Variants in PCDHA4 observed in about 807,000 individuals in gnomAD.
PCDHA4 encodes protocadherin alpha 4.
PCDHA4 carries 49 observed loss-of-function variants against 61.4 expected under a neutral mutation model. The ratio of observed to expected loss-of-function variants is 0.80; its 90% CI spans 0.63 to 1.01. The LOEUF is 1.01. Ranked by LOEUF, PCDHA4 falls within the 50% of genes least tolerant of loss-of-function variation. The pLI is 0.00. For synonymous variants in PCDHA4, 590 were observed against 550.3 expected (o/e 1.07, Z -1.01); for missense variants, 1,254 against 1,235.8 (o/e 1.01, Z -0.22).
At chr5:140,850,241 GCGGT>G in intron 1 of PCDHA4, 1 of 1,593,924 alleles carries the variant, frequency 6.3e-7, no homozygotes, top group Non-Finnish European at 8.6e-7. Context: ...AGATGGTGCT[GCGGT>G]CGGTGGGCGC....
intron 1 of PCDHA4, chr5:140,967,329 G>A: frequency 6.2e-7 from 1 of 1,608,212 alleles, no homozygotes; most frequent in Non-Finnish European, 8.5e-7. Flanking sequence ...TACGAGCTCA[G>A]CCCCAGCGAG....
chr5:140,992,841 A>G (rs1351149915), intron 3 of PCDHA4, among the ~76,000 whole-genome samples: 2 of 152,188 alleles, frequency 1.3e-5, no homozygotes, highest in African/African-American at 2.4e-5. Flanking sequence ...AACATTTTGT[A>G]TAACAACCAG....
intron 1 of PCDHA4, chr5:140,927,673 G>C: frequency 6.2e-7 from 1 of 1,614,224 alleles, no homozygotes; most frequent in Non-Finnish European, 8.5e-7. Flanking sequence ...CTTGGATCCA[G>C]ATGAAGGGTC....
intron 1 of PCDHA4, among the ~76,000 whole-genome samples, chr5:140,910,502 G>C (rs182167004): frequency 2.6e-4 from 39 of 152,266 alleles, no homozygotes. Flanking sequence ...CAATCACAAA[G>C]CTCTTCAAGG....
At chr5:140,835,793 G>T in intron 1 of PCDHA4, 1 of 1,613,102 alleles carries the variant, frequency 6.2e-7, no homozygotes, top group Non-Finnish European at 8.5e-7. Flanking sequence ...ACAACCCGCC[G>T]GGCTGCCACA....
At chr5:140,978,520 C>T (rs2096807249) in intron 1 of PCDHA4, among the ~76,000 whole-genome samples, 1 of 152,214 alleles carries the variant, frequency 6.6e-6, no homozygotes, top group Non-Finnish European at 1.5e-5. Flanking sequence ...GCAGTCCAGC[C>T]AGGCCAGCAG....
At chr5:140,987,749 GT>G (rs1554249497) in intron 3 of PCDHA4, among the ~76,000 whole-genome samples, 1 of 152,142 alleles carries the variant, frequency 6.6e-6, no homozygotes, top group African/African-American at 2.4e-5. Context: ...GACCCAGGTT[GT>G]TCTGAGTATT....
intron 1 of PCDHA4, among the ~76,000 whole-genome samples, chr5:140,832,602 G>C (rs1385088779): frequency 1.3e-5 from 2 of 152,158 alleles, no homozygotes; most frequent in African/African-American, 4.8e-5. Context: ...CTATAGCGTT[G>C]CTAGTGAGTA....
chr5:140,890,220 C>A (rs955015481), intron 1 of PCDHA4, among the ~76,000 whole-genome samples: 18 of 152,044 alleles, frequency 1.2e-4, no homozygotes, highest in Non-Finnish European at 2.6e-4. Flanking sequence ...TCCCAGAGAC[C>A]TAGTTGTTAA....
intron 1 of PCDHA4, chr5:140,926,908 G>A: frequency 6.4e-7 from 1 of 1,560,434 alleles, no homozygotes; most frequent in South Asian, 1.2e-5. Context: ...GGGCTGTGGG[G>A]TGGCAGTTTT....
In PCDHA4 at chr5:140,823,634, C is replaced by G. The variant is rs2150127652; in HGVS notation, c.2385+14062C>G. On this transcript the variant is annotated intron_variant, in intron 1 of 3. Transcript: ENST00000530339. The stretch of plus-strand genomic sequence containing the variant: ...CCAGCGCCTGGCAGTGCGCGCATCC[C>G]GTTCCGCGTGGGGCTGTACACAGGC... 6.2e-6 allele frequency: 10 copies of G among 1,613,940 alleles called. No homozygotes were observed. Among genetic ancestry groups the G allele is most frequent in the Admixed American group, 1.7e-5 (1 of 60,012 alleles).
intron 1 of PCDHA4, among the ~76,000 whole-genome samples, chr5:140,878,446 T>C (rs2057593210): frequency 6.6e-6 from 1 of 152,210 alleles, no homozygotes; most frequent in Admixed American, 6.5e-5. Flanking sequence ...CTATTCTTAT[T>C]TACATGAAAT....
chr5:140,865,532 C>T (rs1340228056), intron 1 of PCDHA4: 1 of 152,096 alleles, frequency 6.6e-6, no homozygotes, highest in Non-Finnish European at 1.5e-5. Context: ...TTCTCTTCAT[C>T]CATAGCTATA....
At chr5:140,906,736 A>G (rs1554192686) in intron 1 of PCDHA4, among the ~76,000 whole-genome samples, 1 of 152,132 alleles carries the variant, frequency 6.6e-6, no homozygotes, top group Admixed American at 6.5e-5. Context: ...GTAGTTTCCC[A>G]TTGACACAGG....
intron 1 of PCDHA4, chr5:140,968,059 G>A (rs1554230273): frequency 6.2e-7 from 1 of 1,614,106 alleles, no homozygotes; most frequent in South Asian, 1.1e-5. Context: ...ACCGAGAGCG[G>A]GTGGCTGTCT....
intron 1 of PCDHA4, among the ~76,000 whole-genome samples, chr5:140,919,753 T>C (rs1386045187): frequency 6.6e-6 from 1 of 152,212 alleles, no homozygotes; most frequent in Non-Finnish European, 1.5e-5. Flanking sequence ...ATTTCTCTTC[T>C]GCCTTTTGTA....
chr5:140,941,894 T>G (rs1398323055), intron 1 of PCDHA4, among the ~76,000 whole-genome samples: 2 of 152,230 alleles, frequency 1.3e-5, no homozygotes, highest in African/African-American at 4.8e-5. Context: ...AGCATCTAAG[T>G]AACATTGAAA....
rs903321831 is a variant in PCDHA4, at chr5:140,926,671, C to A, written c.2386-52278C>A. ...CGGCTCCGCTTTCCCAGACGGCTGC[C>A]CAGCCTCCAGCCTAGCAAGCCCGGC... On this transcript the variant is annotated intron_variant, in intron 1 of 3. Coordinates refer to ENST00000530339, the MANE Select transcript of PCDHA4 (RefSeq NM_018907.4). The A allele has an allele frequency of 3.5e-5, 20 of 579,422 alleles. No homozygotes were observed. The South Asian group carries it at 7.5e-4, about 22-fold the overall frequency. 35.9% of individuals were successfully genotyped at this position (579,422 alleles called of 1,614,324 possible).
At chr5:140,952,847 T>C (rs1199940738) in intron 1 of PCDHA4, among the ~76,000 whole-genome samples, 1 of 152,160 alleles carries the variant, frequency 6.6e-6, no homozygotes, top group Middle Eastern at 3.2e-3. Flanking sequence ...TCTGCTTGTC[T>C]TCTGGGGAGG....
Sources: gnomAD v4.1 joint callset for allele counts (sites outside exome capture counted in the v4.1 genomes callset) on GRCh38, gnomAD v4.1.1 for gene constraint, MANE v1.5 for transcripts, NCBI Gene and HGNC (gene_info 2026-07-23, HGNC 2026-07-21) for gene names.